ZCWPW2: variants seen among roughly 807,000 people sequenced by gnomAD.
The protein encoded by ZCWPW2 is zinc finger CW-type and PWWP domain containing 2.
Under a neutral mutation model 46.6 loss-of-function variants are expected in ZCWPW2, and 45 were observed. The ratio of observed to expected loss-of-function variants is 0.96; its 90% CI spans 0.76 to 1.24. The LOEUF is 1.24. Among genes scored for constraint, ZCWPW2 ranks in the 50% most tolerant of loss-of-function variants. The probability of loss-of-function intolerance (pLI) is 0.00; values close to 1 mark genes in which losing one functional copy is unlikely to be tolerated. For synonymous variants in ZCWPW2, 152 were observed against 137.1 expected, an observed-to-expected ratio of 1.11 and a Z score of -0.76; for missense variants, 429 against 403.9, an observed-to-expected ratio of 1.06 and a Z score of -0.53.
chr3:28,434,174 A>T (rs1222334594), intron 3 of ZCWPW2, among the ~76,000 whole-genome samples: 1 of 152,184 alleles, frequency 6.6e-6, no homozygotes. Context: ...TTTAAACAGA[A>T]CATGATAAAC....
Position 28,411,483 on chromosome 3 carries a change from C to T in ZCWPW2, c.-13-1573C>T, listed in dbSNP as rs935899905. On this transcript the variant is annotated intron_variant, in intron 2 of 9. Coordinates refer to ENST00000383768, the MANE Select transcript of ZCWPW2 (RefSeq NM_001040432.4). ...TTAAAATTAGAAAAAAAAAAATCTA[C>T]TATCATGGCTTCTAGTCAATGTTAT... 6.2e-4 allele frequency among the ~76,000 whole-genome samples: 94 copies of T among 151,858 alleles called. 2 individuals carry two copies. The highest frequency in any genetic ancestry group is 1.0e-3 in the Non-Finnish European group (69 of 67,918).
chr3:28,487,379 T>A (rs1272545689), intron 5 of ZCWPW2, among the ~76,000 whole-genome samples: 1 of 152,178 alleles, frequency 6.6e-6, no homozygotes, highest in Non-Finnish European at 1.5e-5. Context: ...TTCTCAGCCA[T>A]GTCGAGTCTA....
chr3:28,433,752 T>C (rs1697363983), intron 3 of ZCWPW2, among the ~76,000 whole-genome samples: 1 of 143,772 alleles, frequency 7.0e-6, no homozygotes, highest in South Asian at 2.2e-4. Flanking sequence ...CAAGACTCCC[T>C]CTTAAAAAAA....
At chr3:28,395,022 T>C (rs1695641329) in intron 2 of ZCWPW2, among the ~76,000 whole-genome samples, 1 of 152,130 alleles carries the variant, frequency 6.6e-6, no homozygotes, top group African/African-American at 2.4e-5. Flanking sequence ...AAGGGGTTAA[T>C]ATCCAAAATT....
intron 1 of ZCWPW2, among the ~76,000 whole-genome samples, chr3:28,358,289 C>G (rs1035667473): frequency 2.0e-5 from 3 of 152,112 alleles, no homozygotes; most frequent in African/African-American, 2.4e-5. Flanking sequence ...AAAGGACCTT[C>G]TTAATATAGC....
intron 1 of ZCWPW2, among the ~76,000 whole-genome samples, chr3:28,350,549 T>C (rs34796684): frequency 0.22 from 33,694 of 152,086 alleles, 4,271 homozygotes; most frequent in Middle Eastern, 0.3. Context: ...TTTATTATTT[T>C]AGTCAAGTAA....
intron 6 of ZCWPW2, among the ~76,000 whole-genome samples, chr3:28,507,475 T>C (rs1700307495): frequency 6.6e-6 from 1 of 152,056 alleles, no homozygotes. Flanking sequence ...GTCAGTGATT[T>C]AGACTTATCA....
chr3:28,399,862 AAACAAGGTTCTTT>A (rs967619715), intron 2 of ZCWPW2, among the ~76,000 whole-genome samples: 1 of 152,186 alleles, frequency 6.6e-6, no homozygotes, highest in Non-Finnish European at 1.5e-5. Flanking sequence ...TAATATGACA[AAACAAGGTTCTTT>A]AACACCCCCA....
At chr3:28,401,084 CAGG>C (rs1406579648) in intron 2 of ZCWPW2, among the ~76,000 whole-genome samples, 5 of 151,710 alleles carry the variant, frequency 3.3e-5, no homozygotes, top group Non-Finnish European at 7.4e-5. Flanking sequence ...GAGGCTGAGG[CAGG>C]AGAATGGCGT....
At chr3:28,489,249 A>T (rs1477816041) in intron 5 of ZCWPW2, among the ~76,000 whole-genome samples, 1 of 152,028 alleles carries the variant, frequency 6.6e-6, no homozygotes, top group Non-Finnish European at 1.5e-5. Flanking sequence ...CTTTTTGTTT[A>T]ATTTTAACTA....
At chr3:28,499,722 C>T (rs1054811785) in intron 6 of ZCWPW2, among the ~76,000 whole-genome samples, 7 of 152,024 alleles carry the variant, frequency 4.6e-5, no homozygotes, top group Non-Finnish European at 1.0e-4. Flanking sequence ...GAAGTCTTTG[C>T]CCATGCCTAT....
At chr3:28,407,915 C>G (rs753739284) in intron 2 of ZCWPW2, among the ~76,000 whole-genome samples, 1 of 152,154 alleles carries the variant, frequency 6.6e-6, no homozygotes, top group Non-Finnish European at 1.5e-5. Context: ...TTCACTTCCT[C>G]ATTGTCATTT....
intron 1 of ZCWPW2, among the ~76,000 whole-genome samples, chr3:28,374,049 C>T (rs187307700): frequency 1.5e-4 from 23 of 152,100 alleles, no homozygotes; most frequent in Middle Eastern, 3.4e-3. Context: ...CTGTCTTATG[C>T]GATAAAATGT....
In ZCWPW2 at chr3:28,526,154, T is replaced by C. The variant is rs1054620003; in HGVS notation, c.*1466T>C. On this transcript the variant is annotated 3_prime_UTR_variant, in exon 10 of 10. Transcript: ENST00000383768. ...AATGAGATATTTTTTGTGAAAGTGG[T>C]TTGTAAATCAATTTGATCTTCTGTT... Among the ~76,000 whole-genome samples, 1 of 152,192 alleles carries C rather than the reference T, an allele frequency of 6.6e-6. No individual in the cohort carries two copies. Among genetic ancestry groups the C allele is most frequent in the Admixed American group, 6.5e-5 (1 of 15,268 alleles).
At chr3:28,457,371 T>C (rs777029068) in intron 4 of ZCWPW2, among the ~76,000 whole-genome samples, 3 of 152,196 alleles carry the variant, frequency 2.0e-5, no homozygotes, top group Non-Finnish European at 4.4e-5. Flanking sequence ...TAAACACATA[T>C]TCTATAAAAA....
intron 6 of ZCWPW2, among the ~76,000 whole-genome samples, chr3:28,500,979 C>T (rs985176352): frequency 2.6e-5 from 4 of 151,560 alleles, no homozygotes; most frequent in Non-Finnish European, 4.4e-5. Context: ...TTTCCATAGG[C>T]CAGTGTTCCC....
intron 2 of ZCWPW2, among the ~76,000 whole-genome samples, chr3:28,405,691 G>A (rs898129460): frequency 6.6e-6 from 1 of 152,144 alleles, no homozygotes; most frequent in Non-Finnish European, 1.5e-5. Flanking sequence ...GGCCAGGCTG[G>A]TCTCTAACTC....
chr3:28,389,482 G>GGTGATA (rs568965656), intron 1 of ZCWPW2, among the ~76,000 whole-genome samples: 292 of 152,238 alleles, frequency 1.9e-3, no homozygotes, highest in African/African-American at 6.6e-3. Flanking sequence ...AGCATCCATT[G>GGTGATA]GTGATATTTT....
chr3:28,497,459 G>A (rs1016323852), intron 6 of ZCWPW2, among the ~76,000 whole-genome samples: 1 of 151,890 alleles, frequency 6.6e-6, no homozygotes, highest in Admixed American at 6.6e-5. Flanking sequence ...TCAAATTCCC[G>A]GTGTGGTGTG....
Sources: allele counts gnomAD v4.1 joint callset (sites outside exome capture counted in the v4.1 genomes callset), GRCh38; gene constraint gnomAD v4.1.1; transcripts MANE v1.5; gene names NCBI Gene and HGNC (gene_info 2026-07-23, HGNC 2026-07-21).